Variants in OXSR1 observed in about 807,000 individuals in gnomAD.
The protein encoded by OXSR1 is serine/threonine-protein kinase OSR1.
A neutral mutation model predicts 79.8 loss-of-function variants in OXSR1; 24 were observed. The ratio of observed to expected loss-of-function variants is 0.30; its 90% CI spans 0.22 to 0.42. OXSR1 has a LOEUF of 0.42. Among genes scored for constraint, OXSR1 ranks in the 10% least tolerant of loss-of-function variants. OXSR1 has a pLI of 1.00. For missense variants in OXSR1, 430 were observed against 618.4 expected (o/e 0.70, Z 3.23); for synonymous variants, 226 against 209.2 (o/e 1.08, Z -0.69).
At chr3:38,175,302 C>CT (rs1262673843) in intron 1 of OXSR1, among the ~76,000 whole-genome samples, 1 of 152,042 alleles carries the variant, frequency 6.6e-6, no homozygotes, top group Non-Finnish European at 1.5e-5. Context: ...TTATCTCTCT[C>CT]TTTTTTAAAA....
chr3:38,209,351 T>G (rs1443840632), intron 4 of OXSR1, among the ~76,000 whole-genome samples: 3 of 152,036 alleles, frequency 2.0e-5, no homozygotes, highest in African/African-American at 4.8e-5. Flanking sequence ...CCCAAATAGC[T>G]GGCCCACAGG....
chr3:38,217,849 A>G (rs576797469), intron 5 of OXSR1, among the ~76,000 whole-genome samples: 1 of 152,164 alleles, frequency 6.6e-6, no homozygotes, highest in Admixed American at 6.5e-5. Context: ...TACTTTAAGT[A>G]CCTAAGTGAA....
At position 38,179,019 on chromosome 3, in the gene OXSR1, C is replaced by T. The variant is rs556175351; in HGVS notation, c.71-3984C>T. Among the ~76,000 whole-genome samples the T allele has an allele frequency of 4.1e-5, 6 of 147,456 alleles. No individual in the cohort carries two copies. In the East Asian group the frequency reaches 1.2e-3, roughly 30 times the overall value. On this transcript the variant is annotated intron_variant, in intron 1 of 17. Coordinates refer to ENST00000311806, the MANE Select transcript of OXSR1 (RefSeq NM_005109.3). ...AGGTGGGACTACAGACGTGCACCAC[C>T]ACACCTGGCTTTTTTTTTTTTTTTT... is the stretch of plus-strand genomic sequence containing the variant.
At chr3:38,221,438 AG>A in intron 5 of OXSR1, 139 bp from the exon 6 acceptor site, 1 of 543,434 alleles carries the variant, frequency 1.8e-6, no homozygotes, top group Non-Finnish European at 3.3e-6. Context: ...GTCTTAATTT[AG>A]TCAAGAAGTT....
intron 4 of OXSR1, among the ~76,000 whole-genome samples, chr3:38,209,062 T>C (rs1282602553): frequency 6.6e-6 from 1 of 152,168 alleles, no homozygotes; most frequent in Non-Finnish European, 1.5e-5. Context: ...TGATTACTCA[T>C]TGAAACCTCA....
rs941575040 is a variant in OXSR1, at chr3:38,243,133, A to G, written c.1110+355A>G. 3.3e-5 allele frequency among the ~76,000 whole-genome samples: 5 copies of G among 152,064 alleles called. No individual in the cohort carries two copies. The East Asian group carries it at 5.8e-4, about 18-fold the overall frequency. On this transcript the variant is annotated intron_variant, in intron 12 of 17. Transcript: ENST00000311806. ...CTGCAGCCTTGACCTCCTGGGGCTC[A>G]AGTGATCCTTCCACCTCAGCCTCCT...
At position 38,178,622 on chromosome 3, in the gene OXSR1, T is replaced by TATA. The variant is rs1559501065; in HGVS notation, c.71-4381_71-4380insATA. On this transcript the variant is annotated intron_variant, in intron 1 of 17. Coordinates refer to ENST00000311806, the MANE Select transcript of OXSR1 (RefSeq NM_005109.3). The stretch of plus-strand genomic sequence containing the variant: ...TCCAGCTATATATATATATATATAT[T>TATA]TTTTTTTTTTTTTTTTTTTCTTTTT... Among the ~76,000 whole-genome samples the TATA allele has an allele frequency of 5.0e-3, 344 of 69,370 alleles. 1 individual carries two copies. In the East Asian group the frequency reaches 0.054, roughly 11 times the overall value. The allele number at this position is 69,370 out of a possible 152,430, so 45.5% of individuals were successfully genotyped here.
At chr3:38,227,303 T>C (rs972960250) in intron 8 of OXSR1, among the ~76,000 whole-genome samples, 2 of 152,118 alleles carry the variant, frequency 1.3e-5, no homozygotes, top group African/African-American at 2.4e-5. Flanking sequence ...ATTTTACAAA[T>C]GAAGAAACTG....
intron 4 of OXSR1, among the ~76,000 whole-genome samples, chr3:38,213,188 T>C (rs1702420332): frequency 6.6e-6 from 1 of 152,150 alleles, no homozygotes; most frequent in Non-Finnish European, 1.5e-5. Context: ...CACAAAATGG[T>C]GTATGGTACA....
chr3:38,166,789 CAAAAAAAAAAAA>C (rs915290107), intron 1 of OXSR1, among the ~76,000 whole-genome samples: 2 of 63,804 alleles, frequency 3.1e-5, no homozygotes, highest in Non-Finnish European at 6.2e-5. Context: ...GACTCTGACT[CAAAAAAAAAAAA>C]AAAAAAAAAA....
chr3:38,219,558 T>C (rs1702547741), intron 5 of OXSR1, among the ~76,000 whole-genome samples: 1 of 152,186 alleles, frequency 6.6e-6, no homozygotes, highest in African/African-American at 2.4e-5. Flanking sequence ...CCTTGTTAAG[T>C]AAGTACTGTT....
chr3:38,176,909 C>G (rs1413976943), intron 1 of OXSR1, among the ~76,000 whole-genome samples: 1 of 152,260 alleles, frequency 6.6e-6, no homozygotes, highest in South Asian at 2.1e-4. Flanking sequence ...TTAACCCCAG[C>G]ATGGTTTTGG....
chr3:38,179,344 T>C (rs1187041232), intron 1 of OXSR1, among the ~76,000 whole-genome samples: 1 of 152,066 alleles, frequency 6.6e-6, no homozygotes, highest in Non-Finnish European at 1.5e-5. Flanking sequence ...AATTTTTTTA[T>C]TTTTCATAGA....
chr3:38,195,055 G>A (rs1489050210), intron 3 of OXSR1, among the ~76,000 whole-genome samples: 2 of 152,144 alleles, frequency 1.3e-5, no homozygotes, highest in Non-Finnish European at 2.9e-5. Context: ...ATCTTTGCTA[G>A]TTAAAACTGT....
chr3:38,171,281 T>C (rs1239926193), intron 1 of OXSR1, among the ~76,000 whole-genome samples: 1 of 152,214 alleles, frequency 6.6e-6, no homozygotes, highest in Non-Finnish European at 1.5e-5. Context: ...CATACCAAAA[T>C]GTTTGTTACA....
intron 10 of OXSR1, among the ~76,000 whole-genome samples, chr3:38,233,095 A>G (rs1425161197): frequency 6.6e-6 from 1 of 152,208 alleles, no homozygotes; most frequent in Non-Finnish European, 1.5e-5. Flanking sequence ...GCTGCACTCC[A>G]GGAGATGTCT....
chr3:38,172,463 A>G lies in OXSR1; in HGVS notation c.70+6517A>G, dbSNP rs973886198. On this transcript the variant is annotated intron_variant, in intron 1 of 17. Coordinates refer to ENST00000311806, the MANE Select transcript of OXSR1 (RefSeq NM_005109.3). ...CTATTTACCTCAGACTAGAAAATTG[A>G]AAACTTAATACTAGGTTTAAGGTGT... Among the ~76,000 whole-genome samples the G allele has an allele frequency of 3.3e-5, 5 of 152,226 alleles. No homozygotes were observed. The East Asian group carries it at 9.6e-4, about 29-fold the overall frequency.
At chr3:38,244,722 A>G (rs1427462240) in intron 12 of OXSR1, among the ~76,000 whole-genome samples, 10 of 148,902 alleles carry the variant, frequency 6.7e-5, no homozygotes, top group Non-Finnish European at 8.9e-5. Context: ...GTTTGCTTCT[A>G]CCTTTTAGCT....
intron 1 of OXSR1, among the ~76,000 whole-genome samples, chr3:38,177,211 T>G (rs1325047203): frequency 6.6e-6 from 1 of 152,258 alleles, no homozygotes; most frequent in African/African-American, 2.4e-5. Flanking sequence ...ATTAGCTTCC[T>G]TCTCCTATTC....
Sources: allele counts gnomAD v4.1 joint callset (sites outside exome capture counted in the v4.1 genomes callset), GRCh38; gene constraint gnomAD v4.1.1; transcripts MANE v1.5; gene names NCBI Gene and HGNC (gene_info 2026-07-23, HGNC 2026-07-21).